Variants in RPS6KC1 observed in about 807,000 individuals in gnomAD.
RPS6KC1 encodes inactive ribosomal protein S6 kinase delta-1.
A neutral mutation model predicts 103.8 loss-of-function variants in RPS6KC1; 54 were observed. That is an observed-to-expected ratio of 0.52 (90% CI 0.42 to 0.65). RPS6KC1 has a LOEUF of 0.65. Among genes scored for constraint, RPS6KC1 ranks in the 30% least tolerant of loss-of-function variants. The probability of loss-of-function intolerance (pLI) is 0.00; values close to 1 mark genes in which losing one functional copy is unlikely to be tolerated. For missense variants in RPS6KC1, 1,151 were observed against 1,253.8 expected (o/e 0.92, Z 1.24); for synonymous variants, 439 against 438.7 (o/e 1.00, Z -0.01).
At chr1:213,352,964 A>T in the RPS6KC1 span, among the ~76,000 whole-genome samples, 2 of 152,156 alleles carry the variant, frequency 1.3e-5, no homozygotes, top group Non-Finnish European at 2.9e-5. Flanking sequence ...ACCCTTCAAG[A>T]CCCCAGGTGA....
the RPS6KC1 span, among the ~76,000 whole-genome samples, chr1:213,379,872 T>G: frequency 6.6e-6 from 1 of 152,092 alleles, no homozygotes; most frequent in South Asian, 2.1e-4. Context: ...TTCACACTCT[T>G]GGTGGGAGTG....
intron 14 of RPS6KC1, among the ~76,000 whole-genome samples, chr1:213,270,967 A>G (rs1403959674): frequency 6.6e-6 from 1 of 152,228 alleles, no homozygotes; most frequent in African/African-American, 2.4e-5. Flanking sequence ...AAATCCTCAT[A>G]CATAAAGGTT....
At position 213,119,335 on chromosome 1, in the gene RPS6KC1, T is replaced by C. The variant is rs1291794363; in HGVS notation, c.472+1925T>C. 1.4e-4 allele frequency among the ~76,000 whole-genome samples: 21 copies of C among 149,592 alleles called. No homozygotes were observed. In the Admixed American group the frequency reaches 1.4e-3, roughly 10 times the overall value. ...GGTGGCTGGTGCCTGTAATCCCAGC[T>C]ACTTGGGAGGCTGAGGCATGAGAAT... On this transcript the variant is annotated intron_variant, in intron 5 of 14. Coordinates refer to ENST00000366960, the MANE Select transcript of RPS6KC1 (RefSeq NM_012424.6).
intron 5 of RPS6KC1, among the ~76,000 whole-genome samples, chr1:213,121,168 A>T (rs1282633015): frequency 6.6e-6 from 1 of 152,172 alleles, no homozygotes; most frequent in Non-Finnish European, 1.5e-5. Flanking sequence ...TCTTAGACGC[A>T]AGTGATTCTC....
the RPS6KC1 span, among the ~76,000 whole-genome samples, chr1:213,306,462 T>A: frequency 6.6e-6 from 1 of 152,232 alleles, no homozygotes; most frequent in East Asian, 1.9e-4. Context: ...GCTTTATGTT[T>A]CCAACAGAAT....
the RPS6KC1 span, among the ~76,000 whole-genome samples, chr1:213,774,321 T>C: frequency 2.6e-4 from 39 of 152,298 alleles, 1 homozygote; most frequent in Non-Finnish European, 4.1e-4. Flanking sequence ...GTCCTCGGGA[T>C]TGCAATCTGG....
chr1:213,483,926 G>T, the RPS6KC1 span, among the ~76,000 whole-genome samples: 2 of 152,320 alleles, frequency 1.3e-5, no homozygotes, highest in East Asian at 1.9e-4. Context: ...GTGAGCAGGG[G>T]CTCTAAAAAT....
At chr1:213,257,885 C>T (rs1482902491) in intron 12 of RPS6KC1, among the ~76,000 whole-genome samples, 1 of 134,730 alleles carries the variant, frequency 7.4e-6, no homozygotes. Context: ...CTCACTGCAA[C>T]CCTTGCTTCC....
the RPS6KC1 span, among the ~76,000 whole-genome samples, chr1:213,403,994 C>A: frequency 6.6e-6 from 1 of 152,130 alleles, no homozygotes; most frequent in African/African-American, 2.4e-5. Context: ...TAATTGGAGG[C>A]TGTCCTAGGA....
At chr1:213,159,292 T>A (rs2090225572) in intron 6 of RPS6KC1, among the ~76,000 whole-genome samples, 1 of 152,158 alleles carries the variant, frequency 6.6e-6, no homozygotes, top group Non-Finnish European at 1.5e-5. Context: ...AATTTTATGT[T>A]GAGAGTTTCA....
intron 6 of RPS6KC1, among the ~76,000 whole-genome samples, chr1:213,144,851 C>T (rs1395948586): frequency 2.6e-5 from 4 of 151,894 alleles, no homozygotes; most frequent in African/African-American, 7.3e-5. Flanking sequence ...CTGAGGCAGG[C>T]GGATCACGAG....
chr1:213,262,190 GGAAGAAAAT>G (rs1329856947), intron 13 of RPS6KC1, among the ~76,000 whole-genome samples: 1 of 152,038 alleles, frequency 6.6e-6, no homozygotes, highest in African/African-American at 2.4e-5. Flanking sequence ...TTGCCTCCTG[GGAAGAAAAT>G]GAAGGAAATG....
chr1:213,357,915 G>A, the RPS6KC1 span, among the ~76,000 whole-genome samples: 4 of 152,282 alleles, frequency 2.6e-5, no homozygotes, highest in South Asian at 8.3e-4. Context: ...TGAGGCATAC[G>A]AATAAGCTAC....
At chr1:213,093,603 G>A (rs767584603) in intron 3 of RPS6KC1, among the ~76,000 whole-genome samples, 3 of 152,108 alleles carry the variant, frequency 2.0e-5, no homozygotes, top group African/African-American at 4.8e-5. Flanking sequence ...TCGAGCTGAT[G>A]TAGTTATTGT....
the RPS6KC1 span, among the ~76,000 whole-genome samples, chr1:213,525,804 C>A: frequency 6.6e-6 from 1 of 152,238 alleles, no homozygotes; most frequent in South Asian, 2.1e-4. Flanking sequence ...CGCCCTTGGA[C>A]AATGCATGGG....
intron 2 of RPS6KC1, among the ~76,000 whole-genome samples, chr1:213,075,468 C>G (rs563958269): frequency 6.6e-6 from 1 of 152,184 alleles, no homozygotes; most frequent in East Asian, 1.9e-4. Context: ...TGCCTATCTG[C>G]TACTGATCTT....
the RPS6KC1 span, among the ~76,000 whole-genome samples, chr1:213,508,641 T>C: frequency 1.3e-5 from 2 of 152,202 alleles, no homozygotes; most frequent in Admixed American, 6.5e-5. Context: ...TTTTCCTTTT[T>C]TTCTTAAGCC....
the RPS6KC1 span, among the ~76,000 whole-genome samples, chr1:213,471,170 G>A: frequency 6.6e-6 from 1 of 152,098 alleles, no homozygotes; most frequent in Non-Finnish European, 1.5e-5. Context: ...ACTCTTTGTA[G>A]TTGGAGCCCT....
chr1:213,697,716 T>A, the RPS6KC1 span, among the ~76,000 whole-genome samples: 1 of 152,174 alleles, frequency 6.6e-6, no homozygotes, highest in Non-Finnish European at 1.5e-5. Context: ...AAGTATAGAA[T>A]AAGAGCTAAA....
Sources: gnomAD v4.1 joint callset for allele counts (sites outside exome capture counted in the v4.1 genomes callset) on GRCh38, gnomAD v4.1.1 for gene constraint, MANE v1.5 for transcripts, NCBI Gene and HGNC (gene_info 2026-07-23, HGNC 2026-07-21) for gene names.